Variants in PALM3 observed in about 807,000 individuals in gnomAD.
PALM3 encodes paralemmin-3.
A neutral mutation model predicts 27.9 loss-of-function variants in PALM3; 20 were observed. That is an observed-to-expected ratio of 0.72 (90% confidence interval 0.50 to 1.04). The LOEUF is 1.04. Among genes scored for constraint, PALM3 ranks in the 50% least tolerant of loss-of-function variants. PALM3 has a pLI of 0.00. For synonymous variants in PALM3, 328 were observed against 352.7 expected (o/e 0.93, Z 0.79); for missense variants, 814 against 869.4 (o/e 0.94, Z 0.80).
intron 1 of PALM3, 45 bp from the exon 2 acceptor site, chr19:14,059,208 G>GC: frequency 1.4e-6 from 2 of 1,430,402 alleles, no homozygotes; most frequent in South Asian, 1.5e-5. Flanking sequence ...CATCTTGAAC[G>GC]CCCCCCTCTT....
chr19:14,056,515 T>C lies in PALM3; in HGVS notation c.315-2A>G. 1 of 1,551,114 alleles carries C rather than the reference T, an allele frequency of 6.4e-7. No homozygotes were observed. The highest frequency in any genetic ancestry group is 8.7e-7 in the Non-Finnish European group (1 of 1,146,608). On this transcript the variant is annotated splice_acceptor_variant, in intron 4 of 6. Coordinates refer to ENST00000669674, the MANE Select transcript of PALM3 (RefSeq NM_001145028.2). LOFTEE classifies it high-confidence loss of function. ...AACAGTTGCAGCTGGGACTGGAGTC[T>C]GAAGAAGAGAGAGGGCTGCTAGGAG...
intron 5 of PALM3, among the ~76,000 whole-genome samples, chr19:14,055,726 A>G (rs1250675082): frequency 6.6e-6 from 1 of 152,158 alleles, no homozygotes; most frequent in Non-Finnish European, 1.5e-5. Flanking sequence ...TGTTTTTGGC[A>G]CTTACATTCC....
At chr19:14,061,158 C>T (rs1039218797) in intron 1 of PALM3, among the ~76,000 whole-genome samples, 2 of 152,192 alleles carry the variant, frequency 1.3e-5, no homozygotes, top group African/African-American at 4.8e-5. Context: ...GTCTCCTGTA[C>T]CACCCCCAAG....
At chr19:14,060,929 T>G (rs1339576579) in intron 1 of PALM3, among the ~76,000 whole-genome samples, 1 of 152,028 alleles carries the variant, frequency 6.6e-6, no homozygotes, top group Non-Finnish European at 1.5e-5. Flanking sequence ...CCCGGCTAAT[T>G]TTTGTATTTT....
intron 1 of PALM3, among the ~76,000 whole-genome samples, chr19:14,060,753 A>G (rs1976400339): frequency 6.6e-6 from 1 of 151,990 alleles, no homozygotes; most frequent in Non-Finnish European, 1.5e-5. Context: ...GGGGCAAGGA[A>G]TTGAAGTCAT....
rs1976239932 is a variant in PALM3, at chr19:14,053,973, C to T, written c.1699G>A (p.Ala567Thr). 1.3e-6 allele frequency: 2 copies of T among 1,551,574 alleles called. No individual in the cohort carries two copies. The highest frequency in any genetic ancestry group is 1.4e-5 in the African/African-American group (1 of 73,014). ...GGCCCTGCCTCATTCATCTCCTCTGCCTGGGATTCACTTCCTTCCCTAGAC... is the reference window on the plus strand; with the variant it reads ...GGCCCTGCCTCATTCATCTCCTCTGTCTGGGATTCACTTCCTTCCCTAGAC... ...QGSREGSESQ[A>T]EEMNEAGPPL... The change falls in exon 7 of 7, where the codon GCA becomes ACA. Residue 567 changes from alanine (A) to threonine (T), a missense_variant. Physicochemically the swap from Ala to Thr is moderately conservative, Grantham distance 58. Coordinates refer to ENST00000669674, the MANE Select transcript of PALM3 (RefSeq NM_001145028.2).
At position 14,060,519 on chromosome 19, in the gene PALM3, C is replaced by T. The variant is rs138722116; in HGVS notation, c.42-1356G>A. On this transcript the variant is annotated intron_variant, in intron 1 of 6. Coordinates refer to ENST00000669674, the MANE Select transcript of PALM3 (RefSeq NM_001145028.2). ...AATGTAATTCACTGAATCCTCCCAA[C>T]GACTCTAGGAGGTAAGCTATATGAA... 1.2e-4 allele frequency among the ~76,000 whole-genome samples: 19 copies of T among 152,164 alleles called. No homozygotes were observed. In the East Asian group the frequency reaches 3.1e-3, roughly 25 times the overall value.
intron 1 of PALM3, among the ~76,000 whole-genome samples, 161 bp downstream of exon 1, chr19:14,061,779 G>A (rs1262302356): frequency 6.6e-6 from 1 of 151,828 alleles, no homozygotes; most frequent in East Asian, 1.9e-4. Flanking sequence ...AAGGAAGGGT[G>A]ACACTGATGA....
At position 14,054,540 on chromosome 19, in the gene PALM3, C is replaced by T; in HGVS notation, c.1132G>A (p.Gly378Arg). 2 of 1,551,714 alleles carry T rather than the reference C, an allele frequency of 1.3e-6. No individual in the cohort carries two copies. The highest frequency in any genetic ancestry group is 1.4e-5 in the African/African-American group (1 of 73,110). Residue 378 changes from glycine to arginine, a missense_variant, in exon 7 of 7, where the codon GGG becomes AGG. Transcript: ENST00000669674. ...CTCTCCCTCCCTGCCACCTCGGGCCCTTCCAACCCCTCCACCAGCAGCTCC... is the reference window on the plus strand; with the variant it reads ...CTCTCCCTCCCTGCCACCTCGGGCCTTTCCAACCCCTCCACCAGCAGCTCC... ...WEELLVEGLE[G>R]PEVAGRERGD...
chr19:14,061,130 G>A (rs1440290370), intron 1 of PALM3, among the ~76,000 whole-genome samples: 1 of 152,176 alleles, frequency 6.6e-6, no homozygotes, highest in Non-Finnish European at 1.5e-5. Flanking sequence ...GCCCCTGGGG[G>A]AGGGCTGAAG....
chr19:14,061,783 C>T (rs1484578848), intron 1 of PALM3, among the ~76,000 whole-genome samples, 157 bp downstream of exon 1: 1 of 151,636 alleles, frequency 6.6e-6, no homozygotes, highest in Non-Finnish European at 1.5e-5. Flanking sequence ...AAGGGTGACA[C>T]TGATGAGCCT....
intron 3 of PALM3, 49 bp downstream of exon 3, chr19:14,057,302 C>T: frequency 1.4e-6 from 2 of 1,432,234 alleles, no homozygotes; most frequent in Non-Finnish European, 9.5e-7. Context: ...GCACAGACAC[C>T]CCCCACTCCA....
chr19:14,056,831 G>A, intron 3 of PALM3, 27 bp from the exon 4 acceptor site: 2 of 1,526,978 alleles, frequency 1.3e-6, no homozygotes, highest in Non-Finnish European at 1.8e-6. Context: ...AGTTGGGGCT[G>A]GGCATACAGA....
intron 3 of PALM3, 200 bp from the exon 4 acceptor site, chr19:14,057,004 A>G (rs1238808996): frequency 4.8e-6 from 3 of 618,670 alleles, no homozygotes; most frequent in Non-Finnish European, 8.3e-6. Context: ...AACCCTTCCA[A>G]AATGAAACGG....
intron 2 of PALM3, among the ~76,000 whole-genome samples, chr19:14,058,161 G>T (rs1335702974): frequency 6.6e-6 from 1 of 151,882 alleles, no homozygotes; most frequent in African/African-American, 2.4e-5. Flanking sequence ...CCGAAATGGG[G>T]ATGCAGCCAT....
chr19:14,061,705 G>C (rs1038205099), intron 1 of PALM3, among the ~76,000 whole-genome samples: 1 of 152,186 alleles, frequency 6.6e-6, no homozygotes, highest in South Asian at 2.1e-4. Context: ...CCCTGGCAGC[G>C]GAAAATCCCC....
rs1386935862 is a variant in PALM3 at position 14,053,781 on chromosome 19, CTG to C, written c.1889_1890del (p.Pro630ArgfsTer34). On this transcript the variant is annotated frameshift_variant, in exon 7 of 7. Transcript: ENST00000669674. LOFTEE classifies it high-confidence loss of function. ...AGTGGCTGGCATTCGGCGGGCTGCT[CTG>C]GGGCTGGGGTCTCTGCCAGAAGAGG... ...ATPLLAETPA[P>X]EQPAECQPLL... The C allele has an allele frequency of 6.5e-7, 1 of 1,541,176 alleles. No homozygotes were observed. Among genetic ancestry groups the C allele is most frequent in the South Asian group, 1.2e-5 (1 of 82,304 alleles).
chr19:14,059,160 G>A lies in PALM3; in HGVS notation c.45C>T (p.Pro15=). The A allele has an allele frequency of 1.4e-6, 2 of 1,442,138 alleles. No individual in the cohort carries two copies. Among genetic ancestry groups the A allele is most frequent in the Non-Finnish European group, 1.8e-6 (2 of 1,099,032 alleles). 89.3% of individuals were successfully genotyped at this position (1,442,138 alleles called of 1,614,324 possible). Residue 15 remains proline (P), a synonymous_variant, in exon 2 of 7, where the codon CCC becomes CCT. Coordinates refer to ENST00000669674, the MANE Select transcript of PALM3 (RefSeq NM_001145028.2). The part of the protein sequence containing the change: ...SQVWSLATPM[P]MAESSLYRQR... ...GCCGGTAGAGGGAGCTCTCCGCCAT[G>A]GGCCTGTTGGGAGAGGGCAGGGGCT... is the stretch of plus-strand genomic sequence containing the variant.
intron 2 of PALM3, among the ~76,000 whole-genome samples, chr19:14,058,335 C>T (rs1976354317): frequency 7.0e-6 from 1 of 142,940 alleles, no homozygotes; most frequent in Non-Finnish European, 1.5e-5. Context: ...AGATAGGGTA[C>T]AGAAGTGGGG....
Sources: allele counts gnomAD v4.1 joint callset (sites outside exome capture counted in the v4.1 genomes callset), GRCh38; gene constraint gnomAD v4.1.1; transcripts MANE v1.5; gene names NCBI Gene and HGNC (gene_info 2026-07-23, HGNC 2026-07-21).